The following CRACD variants were observed in gnomAD, a reference collection of about 807,000 sequenced individuals.
CRACD encodes capping protein inhibiting regulator of actin dynamics.
A neutral mutation model predicts 106.8 loss-of-function variants in CRACD; 56 were observed. The observed-to-expected ratio is 0.52, with a 90% confidence interval of 0.42 to 0.66. The LOEUF (loss-of-function observed/expected upper bound fraction) is 0.66, where lower values mean the gene tolerates loss of function less well. Ranked by LOEUF, CRACD falls within the 30% of genes least tolerant of loss-of-function variation. The pLI is 0.00. For missense variants in CRACD, 1,730 were observed against 1,623.2 expected (o/e 1.07, Z -1.13); for synonymous variants, 754 against 670.8 (o/e 1.12, Z -1.92).
chr4:56,075,809 T>G (rs1248746244), intron 1 of CRACD, among the ~76,000 whole-genome samples: 3 of 152,234 alleles, frequency 2.0e-5, no homozygotes, highest in Non-Finnish European at 4.4e-5. Context: ...CATTTATTAG[T>G]GCTTCATTCC....
At chr4:56,222,654 T>G (rs561040773) in intron 2 of CRACD, among the ~76,000 whole-genome samples, 11 of 152,222 alleles carry the variant, frequency 7.2e-5, no homozygotes, top group South Asian at 2.1e-4. Context: ...GTTTAAAAAT[T>G]AAATTAAAGG....
Position 56,277,474 on chromosome 4 carries a change from A to G in CRACD, c.-17+4982A>G, listed in dbSNP as rs1265285746. Among the ~76,000 whole-genome samples the G allele has an allele frequency of 2.6e-5, 4 of 151,978 alleles. No individual in the cohort carries two copies. In the East Asian group the frequency reaches 7.7e-4, roughly 29 times the overall value. On this transcript the variant is annotated intron_variant, in intron 3 of 10. Coordinates refer to ENST00000682029, the MANE Select transcript of CRACD (RefSeq NM_001393381.1). ...ATTTATAAAAAAAAAAAAATAGACAACACTGGAAATAGAAGGAAACTCCTT... is the reference window on the plus strand; with the variant it reads ...ATTTATAAAAAAAAAAAAATAGACAGCACTGGAAATAGAAGGAAACTCCTT...
intron 1 of CRACD, among the ~76,000 whole-genome samples, chr4:56,171,610 G>A (rs1019416658): frequency 3.6e-4 from 55 of 152,278 alleles, no homozygotes; most frequent in Non-Finnish European, 3.4e-4. Flanking sequence ...CTGAGATGGT[G>A]GAGATAACAA....
At chr4:56,101,757 T>C (rs1577962764) in intron 1 of CRACD, among the ~76,000 whole-genome samples, 1 of 113,154 alleles carries the variant, frequency 8.8e-6, no homozygotes, top group East Asian at 2.3e-4. Flanking sequence ...AGCAAGACTG[T>C]CTCAAAAAAA....
At chr4:56,262,813 C>T (rs988713292) in intron 2 of CRACD, among the ~76,000 whole-genome samples, 1 of 152,152 alleles carries the variant, frequency 6.6e-6, no homozygotes, top group East Asian at 1.9e-4. Context: ...GTTAGCAAAG[C>T]TTAATGTGAA....
At chr4:56,134,588 G>T (rs938345270) in intron 1 of CRACD, among the ~76,000 whole-genome samples, 1 of 152,154 alleles carries the variant, frequency 6.6e-6, no homozygotes, top group Non-Finnish European at 1.5e-5. Flanking sequence ...TTCTCCCCAA[G>T]CATTGTTTAT....
In CRACD at chr4:56,056,642, A is replaced by G. The variant is rs535880327; in HGVS notation, c.-336+7343A>G. 2.0e-4 allele frequency among the ~76,000 whole-genome samples: 30 copies of G among 152,054 alleles called. No homozygotes were observed. In the South Asian group the frequency reaches 5.8e-3, roughly 29 times the overall value. On this transcript the variant is annotated intron_variant, in intron 1 of 10. Coordinates refer to ENST00000682029, the MANE Select transcript of CRACD (RefSeq NM_001393381.1). Reference sequence around the variant, plus strand: ...AAAAACACCCTCTCCCCGAAAAACCAAAGTTAGCTGGGCGTGGTGGCACAT... The same window carrying G: ...AAAAACACCCTCTCCCCGAAAAACCGAAGTTAGCTGGGCGTGGTGGCACAT...
intron 1 of CRACD, among the ~76,000 whole-genome samples, chr4:56,175,224 TCTTAGTTTTTTGAGGAAC>T (rs1334150113): frequency 3.3e-5 from 5 of 152,220 alleles, no homozygotes; most frequent in Non-Finnish European, 2.9e-5. Flanking sequence ...GTAGTTCTCT[TCTTAGTTTTTTGAGGAAC>T]CTCCATACTG....
At chr4:56,306,787 C>A (rs1392352748) in intron 4 of CRACD, among the ~76,000 whole-genome samples, 1 of 152,218 alleles carries the variant, frequency 6.6e-6, no homozygotes, top group Non-Finnish European at 1.5e-5. Flanking sequence ...AGCCACCACT[C>A]ACCAGTAGTC....
intron 1 of CRACD, among the ~76,000 whole-genome samples, chr4:56,086,136 A>G (rs1184071196): frequency 6.6e-6 from 1 of 152,136 alleles, no homozygotes; most frequent in Non-Finnish European, 1.5e-5. Context: ...CAGCCAGTTG[A>G]TTGCCCCTGG....
intron 8 of CRACD, among the ~76,000 whole-genome samples, chr4:56,318,823 G>T (rs1319277578): frequency 6.6e-6 from 1 of 152,186 alleles, no homozygotes; most frequent in African/African-American, 2.4e-5. Context: ...CAATTTATTT[G>T]TTGATTGTAT....
intron 1 of CRACD, among the ~76,000 whole-genome samples, chr4:56,068,918 T>C (rs1732547694): frequency 6.6e-6 from 1 of 151,996 alleles, no homozygotes; most frequent in South Asian, 2.1e-4. Flanking sequence ...ATGTAATTGG[T>C]TAAACATCTT....
At chr4:56,121,393 T>A (rs1041097508) in intron 1 of CRACD, among the ~76,000 whole-genome samples, 1 of 152,206 alleles carries the variant, frequency 6.6e-6, no homozygotes, top group African/African-American at 2.4e-5. Flanking sequence ...ATCACAATAC[T>A]GAGCCATCAT....
rs1014935154 is a variant in CRACD at position 56,310,879 on chromosome 4, C to G, written c.354+145C>G. The G allele has an allele frequency of 6.7e-6, 4 of 601,412 alleles. No homozygotes were observed. The African/African-American group carries it at 7.7e-5, about 12-fold the overall frequency. The allele number at this position is 601,412 out of a possible 1,614,324, so 37.3% of individuals were successfully genotyped here. On this transcript the variant is annotated intron_variant, in intron 6 of 10. Transcript: ENST00000682029. ...ATATTTAAATTCCTTCAGAATGCCA[C>G]TAGTGACAGATGTTGGAGCATCTGT...
At chr4:56,064,668 C>T (rs781193560) in intron 1 of CRACD, among the ~76,000 whole-genome samples, 1 of 152,164 alleles carries the variant, frequency 6.6e-6, no homozygotes, top group Non-Finnish European at 1.5e-5. Flanking sequence ...TTAGGCTTCA[C>T]CTATTGTTAA....
chr4:56,054,871 TAA>T (rs1731999193), intron 1 of CRACD, among the ~76,000 whole-genome samples: 1 of 152,242 alleles, frequency 6.6e-6, no homozygotes, highest in Admixed American at 6.5e-5. Context: ...GTCAGATTTT[TAA>T]AGTCTTCACC....
At chr4:56,214,679 C>CTATATATATATATATA (rs755261143) in intron 2 of CRACD, among the ~76,000 whole-genome samples, 1 of 74,196 alleles carries the variant, frequency 1.3e-5, no homozygotes, top group Non-Finnish European at 2.8e-5. Flanking sequence ...CTCTCTCTCT[C>CTATATATATATATATA]TCTATATATA....
At chr4:56,284,054 C>T (rs892074912) in intron 3 of CRACD, among the ~76,000 whole-genome samples, 2 of 152,138 alleles carry the variant, frequency 1.3e-5, no homozygotes, top group African/African-American at 4.8e-5. Flanking sequence ...ACATATTCTG[C>T]GTTTTCCCAT....
intron 2 of CRACD, among the ~76,000 whole-genome samples, chr4:56,193,321 G>C (rs1372400261): frequency 2.6e-5 from 4 of 152,068 alleles, no homozygotes; most frequent in Non-Finnish European, 4.4e-5. Flanking sequence ...ATTTGTAGGG[G>C]GGCACACAGA....
Sources: allele counts gnomAD v4.1 joint callset (sites outside exome capture counted in the v4.1 genomes callset), GRCh38; gene constraint gnomAD v4.1.1; transcripts MANE v1.5; gene names NCBI Gene and HGNC (gene_info 2026-07-23, HGNC 2026-07-21).